Variants in ZFR observed in about 807,000 individuals in gnomAD.
ZFR encodes zinc finger RNA-binding protein.
ZFR carries 19 observed loss-of-function variants against 130.7 expected under a neutral mutation model. The ratio of observed to expected loss-of-function variants is 0.15; its 90% confidence interval spans 0.10 to 0.21. ZFR has a LOEUF of 0.21. Among genes scored for constraint, ZFR ranks in the 10% least tolerant of loss-of-function variants. The pLI is 1.00. For missense variants in ZFR, 872 were observed against 1,321.5 expected, an observed-to-expected ratio of 0.66 and a Z score of 5.27; for synonymous variants, 466 against 456.9, an observed-to-expected ratio of 1.02 and a Z score of -0.25.
At chr5:32,357,841 G>A (rs375584208) in intron 19 of ZFR, among the ~76,000 whole-genome samples, 5 of 152,184 alleles carry the variant, frequency 3.3e-5, no homozygotes, top group African/African-American at 1.2e-4. Context: ...ATACCACTTT[G>A]CTGATGATTC....
chr5:32,370,682 T>C (rs1752652251), intron 17 of ZFR, among the ~76,000 whole-genome samples: 1 of 152,190 alleles, frequency 6.6e-6, no homozygotes, highest in Non-Finnish European at 1.5e-5. Flanking sequence ...AGGTCTATAA[T>C]AAACATTAAA....
chr5:32,418,617 C>A (rs1753886509), intron 3 of ZFR, among the ~76,000 whole-genome samples: 1 of 152,146 alleles, frequency 6.6e-6, no homozygotes, highest in Non-Finnish European at 1.5e-5. Context: ...CTATTAAAAA[C>A]AACAAAATTT....
At chr5:32,417,112 GT>G (rs1753845020) in intron 4 of ZFR, among the ~76,000 whole-genome samples, 1 of 123,948 alleles carries the variant, frequency 8.1e-6, no homozygotes, top group African/African-American at 2.8e-5. Flanking sequence ...AAATTATCAA[GT>G]CTCTCTCTAA....
chr5:32,444,275 A>G lies in ZFR; in HGVS notation c.91T>C (p.Phe31Leu). ...GCCGCCGCCGCCCCGCTGTGGGTGAATCCAAAGTAGTTGCCGGTCGCCATT... is the reference window on the plus strand; with the variant it reads ...GCCGCCGCCGCCCCGCTGTGGGTGAGTCCAAAGTAGTTGCCGGTCGCCATT... ...AKMATGNYFGFTHSGAAAAAA... is the reference protein window; with the variant it reads ...AKMATGNYFGLTHSGAAAAAA... Residue 31 changes from phenylalanine (F) to leucine (L), a missense_variant, in exon 2 of 20, where the codon TTC becomes CTC. Physicochemically the swap from Phe to Leu is conservative, Grantham distance 22. Around this residue, in one of 7 missense-constraint regions of ZFR, gnomAD observed 240 missense variants for 441.2 expected, o/e 0.54. Coordinates refer to ENST00000265069, the MANE Select transcript of ZFR (RefSeq NM_016107.5). 1 of 1,557,082 alleles carries G rather than the reference A, an allele frequency of 6.4e-7. No homozygotes were observed. The highest frequency in any genetic ancestry group is 1.2e-5 in the South Asian group (1 of 84,026).
intron 17 of ZFR, among the ~76,000 whole-genome samples, chr5:32,370,911 GTTAC>G (rs1052129977): frequency 2.8e-4 from 43 of 152,310 alleles, no homozygotes; most frequent in African/African-American, 1.0e-3. Context: ...AGCAGGCATT[GTTAC>G]TTAAGGATTT....
chr5:32,381,375 A>T (rs964853139), intron 15 of ZFR, among the ~76,000 whole-genome samples: 5 of 152,218 alleles, frequency 3.3e-5, no homozygotes, highest in African/African-American at 1.2e-4. Flanking sequence ...AATGGCAATT[A>T]TTCCAATCTA....
At chr5:32,406,392 T>C (rs916436616) in intron 6 of ZFR, among the ~76,000 whole-genome samples, 11 of 152,218 alleles carry the variant, frequency 7.2e-5, no homozygotes, top group Non-Finnish European at 1.2e-4. Context: ...TAACCTGCTA[T>C]ATTAAGTTAA....
intron 17 of ZFR, among the ~76,000 whole-genome samples, chr5:32,368,545 T>A (rs897527641): frequency 6.6e-6 from 1 of 152,172 alleles, no homozygotes; most frequent in Non-Finnish European, 1.5e-5. Flanking sequence ...CACAAATTTT[T>A]AAAAGACACA....
chr5:32,417,825 T>C, intron 3 of ZFR, 33 bp from the exon 4 acceptor site: 1 of 1,605,304 alleles, frequency 6.2e-7, no homozygotes, highest in Non-Finnish European at 8.5e-7. Flanking sequence ...AATCTTGCTA[T>C]GAGACAAGTG....
chr5:32,437,322 T>C (rs1378347893), intron 2 of ZFR, among the ~76,000 whole-genome samples: 3 of 152,184 alleles, frequency 2.0e-5, no homozygotes, highest in South Asian at 2.1e-4. Context: ...ATGCATATTG[T>C]AGATGCTCAT....
chr5:32,376,039 C>T (rs1206319534), intron 17 of ZFR, among the ~76,000 whole-genome samples: 13 of 151,302 alleles, frequency 8.6e-5, no homozygotes, highest in African/African-American at 3.2e-4. Flanking sequence ...GATGGGGTTT[C>T]ACCACCTTGG....
chr5:32,432,718 G>C (rs1294759817), intron 2 of ZFR, among the ~76,000 whole-genome samples: 1 of 151,954 alleles, frequency 6.6e-6, no homozygotes, highest in Non-Finnish European at 1.5e-5. Context: ...GATTTTAGAA[G>C]AAATTTAAAT....
In ZFR at chr5:32,403,173, A is replaced by G; in HGVS notation, c.1449T>C (p.Thr483=). ...TATTTGTAGGCACTGCTGATACTTT[A>G]GTGTTAGATGTGCTATTAAGAGACG... ...GNSSLNSTSN[T]KVSAVPTNMA... Residue 483 remains threonine, a synonymous_variant, in exon 8 of 20, where the codon ACT becomes ACC. Coordinates refer to ENST00000265069, the MANE Select transcript of ZFR (RefSeq NM_016107.5). 1 of 1,614,176 alleles carries G rather than the reference A, an allele frequency of 6.2e-7. No individual in the cohort carries two copies. Among genetic ancestry groups the G allele is most frequent in the South Asian group, 1.1e-5 (1 of 91,084 alleles).
rs375928294 is a variant in ZFR at position 32,398,313 on chromosome 5, T to C, written c.1714-975A>G. On this transcript the variant is annotated intron_variant, in intron 9 of 19. Transcript: ENST00000265069. ...GACGAATAATAGCATTATTTTGGTA[T>C]ACAAAATTTCTCAAAGCTCAAGGTT... is the stretch of plus-strand genomic sequence containing the variant. Among the ~76,000 whole-genome samples, 51 of 152,338 alleles carry C rather than the reference T, an allele frequency of 3.3e-4. 1 individual carries two copies. In the South Asian group the frequency reaches 7.9e-3, roughly 24 times the overall value.
intron 17 of ZFR, among the ~76,000 whole-genome samples, chr5:32,377,214 T>TTC (rs143572606): frequency 0.27 from 40,209 of 147,274 alleles, 6,321 homozygotes; most frequent in Middle Eastern, 0.47. Context: ...TTATTTCTCT[T>TTC]TCTCTCTCTC....
At position 32,438,944 on chromosome 5, in the gene ZFR, GA is replaced by G. The variant is rs568918714; in HGVS notation, c.137+5284del. ...AAGCTGATACTTGGCCAGGGTGCCT[GA>G]AGGGATGGAGCTGGGATTCAAACTC... On this transcript the variant is annotated intron_variant, in intron 2 of 19. Coordinates refer to ENST00000265069, the MANE Select transcript of ZFR (RefSeq NM_016107.5). Among the ~76,000 whole-genome samples, 4 of 152,318 alleles carry G rather than the reference GA, an allele frequency of 2.6e-5. No homozygotes were observed. In the East Asian group the frequency reaches 5.8e-4, roughly 22 times the overall value.
chr5:32,412,917 G>A (rs1010537511), intron 5 of ZFR, among the ~76,000 whole-genome samples: 3 of 152,140 alleles, frequency 2.0e-5, no homozygotes, highest in African/African-American at 7.2e-5. Context: ...GGGCACGGTG[G>A]CTCATGCCTG....
intron 17 of ZFR, among the ~76,000 whole-genome samples, chr5:32,373,723 T>C (rs2111689892): frequency 6.6e-6 from 1 of 152,200 alleles, no homozygotes; most frequent in Non-Finnish European, 1.5e-5. Flanking sequence ...AAGAATACAA[T>C]ACTAGGAGCG....
intron 2 of ZFR, among the ~76,000 whole-genome samples, chr5:32,435,706 C>T (rs778596041): frequency 2.0e-5 from 3 of 152,158 alleles, no homozygotes; most frequent in Non-Finnish European, 4.4e-5. Context: ...ATGCCTTGCC[C>T]ATTTAATGCT....
Sources: allele counts gnomAD v4.1 joint callset (sites outside exome capture counted in the v4.1 genomes callset), GRCh38; gene constraint gnomAD v4.1.1; regional missense constraint gnomAD v4.1.1; transcripts MANE v1.5; gene names NCBI Gene and HGNC (gene_info 2026-07-23, HGNC 2026-07-21).